STAG2: variants seen among roughly 807,000 people sequenced by gnomAD.
STAG2 encodes the protein cohesin subunit SA-2.
STAG2 carries 14 observed loss-of-function variants against 108.1 expected under a neutral mutation model. The ratio of observed to expected loss-of-function variants is 0.13; its 90% CI spans 0.09 to 0.20. The LOEUF is 0.20. STAG2 is among the 10% of genes least tolerant of loss of function. The pLI is 1.00. For missense variants in STAG2, 440 were observed against 940.9 expected (o/e 0.47, Z 6.96); for synonymous variants, 307 against 302.7 (o/e 1.01, Z -0.15).
At chrX:124,084,097 CT>C (rs1189256781) in intron 29 of STAG2, among the ~76,000 whole-genome samples, 1 of 111,981 alleles carries the variant, frequency 8.9e-6, no homozygotes, top group African/African-American at 3.2e-5. Flanking sequence ...GATTTAAATT[CT>C]CAAAAATCTT....
chrX:124,026,005 T>C (rs2057082889), intron 4 of STAG2, 87 bp downstream of exon 4: 1 of 722,271 alleles, frequency 1.4e-6, no homozygotes, highest in Admixed American at 3.1e-5. Flanking sequence ...GTTTTATCTT[T>C]TAAAAATGGC....
At chrX:123,996,753 T>G (rs2055755513) in intron 1 of STAG2, among the ~76,000 whole-genome samples, 1 of 112,234 alleles carries the variant, frequency 8.9e-6, no homozygotes, top group South Asian at 3.6e-4. Flanking sequence ...CTGAGTAGTA[T>G]TCCATTGTAT....
intron 7 of STAG2, 39 bp from the exon 8 acceptor site, chrX:124,045,125 C>A: frequency 9.1e-7 from 1 of 1,101,809 alleles, no homozygotes; most frequent in Non-Finnish European, 1.3e-6. Context: ...TTAAGTCATG[C>A]ATTCTAAATG....
intron 30 of STAG2, 51 bp from the exon 31 acceptor site, chrX:124,090,524 C>G (rs749246032): frequency 9.5e-7 from 1 of 1,053,236 alleles, no homozygotes; most frequent in Non-Finnish European, 1.3e-6. Context: ...TATTAGACAT[C>G]TGAATAGTCA....
chrX:124,032,306 A>G (rs930097495), intron 5 of STAG2, among the ~76,000 whole-genome samples: 1 of 111,886 alleles, frequency 8.9e-6, no homozygotes, highest in African/African-American at 3.2e-5. Context: ...AGGCATATTC[A>G]TGTCGAATCA....
intron 4 of STAG2, among the ~76,000 whole-genome samples, chrX:124,028,820 A>T (rs1486668670): frequency 5.7e-3 from 157 of 27,766 alleles, no homozygotes; most frequent in Middle Eastern, 0.022. Flanking sequence ...ATATATATAT[A>T]TATTTTTTTT....
chrX:124,039,368 T>C (rs972478997), intron 6 of STAG2, among the ~76,000 whole-genome samples: 1 of 109,503 alleles, frequency 9.1e-6, no homozygotes, highest in Non-Finnish European at 1.9e-5. Context: ...GGTTTTGCCA[T>C]GTTGCCCAGG....
At chrX:124,055,124 A>G (rs2148258359) in intron 13 of STAG2, among the ~76,000 whole-genome samples, 1 of 112,234 alleles carries the variant, frequency 8.9e-6, no homozygotes, top group East Asian at 2.8e-4. Context: ...ACAATCTGAT[A>G]TTATATAAAG....
intron 29 of STAG2, among the ~76,000 whole-genome samples, chrX:124,083,862 G>C (rs1463615938): frequency 8.9e-6 from 1 of 111,986 alleles, no homozygotes; most frequent in African/African-American, 3.2e-5. Flanking sequence ...CTGGGCTCCA[G>C]TGATTTTCCT....
chrX:124,060,088 T>TC (rs1248394096), intron 15 of STAG2, among the ~76,000 whole-genome samples: 1 of 111,538 alleles, frequency 9.0e-6, no homozygotes, highest in East Asian at 2.8e-4. Flanking sequence ...CACCCCCTCC[T>TC]CCCCCCGCCA....
At chrX:123,978,289 G>C (rs1475059633) in intron 1 of STAG2, among the ~76,000 whole-genome samples, 4 of 108,207 alleles carry the variant, frequency 3.7e-5, no homozygotes, top group African/African-American at 1.4e-4. Context: ...GTTTCCATTA[G>C]CTATTCTTCC....
chrX:124,017,211 A>G (rs1173931753), intron 1 of STAG2, among the ~76,000 whole-genome samples: 1 of 106,457 alleles, frequency 9.4e-6, no homozygotes, highest in East Asian at 2.9e-4. Flanking sequence ...TGAATTAAAT[A>G]CCTTTTTTTT....
At position 124,056,258 on chromosome X, in the gene STAG2, C is replaced by T. The variant is rs757954691; in HGVS notation, c.1304+23C>T. The T allele has an allele frequency of 1.5e-4, 157 of 1,081,670 alleles. No homozygotes were observed. In the South Asian group the frequency reaches 2.8e-3, roughly 19 times the overall value. 89.1% of individuals were successfully genotyped at this position (1,081,670 alleles called of 1,213,427 possible). A position where few individuals can be genotyped will look rare whatever the true frequency, so the allele number is the denominator to read the frequency against. The stretch of plus-strand genomic sequence containing the variant: ...AAAGTAAATCTATATATCTGTTACT[C>T]ATTTTCTAAGGCATACTTTCATAAC... On this transcript the variant is annotated intron_variant, in intron 14 of 34. Transcript: ENST00000371145.
intron 6 of STAG2, among the ~76,000 whole-genome samples, chrX:124,037,931 A>G (rs1437061616): frequency 2.7e-5 from 3 of 112,014 alleles, no homozygotes; most frequent in African/African-American, 9.7e-5. Flanking sequence ...TTAAGAAGGG[A>G]GGAGGAAGAT....
intron 25 of STAG2, among the ~76,000 whole-genome samples, chrX:124,075,974 G>T (rs938076066): frequency 9.0e-6 from 1 of 111,623 alleles, no homozygotes; most frequent in African/African-American, 3.3e-5. Context: ...GAGAAATTCT[G>T]AGGTTGGCAG....
At chrX:124,100,085 T>C (rs190862844) in intron 34 of STAG2, among the ~76,000 whole-genome samples, 74 of 112,049 alleles carry the variant, frequency 6.6e-4, no homozygotes, top group Non-Finnish European at 1.2e-3. Flanking sequence ...TCTTGCTTTC[T>C]ACATACTTGA....
chrX:123,992,662 C>A (rs1202254492), intron 1 of STAG2, among the ~76,000 whole-genome samples: 1 of 110,480 alleles, frequency 9.1e-6, no homozygotes, highest in African/African-American at 3.3e-5. Flanking sequence ...CATCAACCTC[C>A]CAAGTAGCTG....
chrX:123,981,045 T>G (rs554797530), intron 1 of STAG2, among the ~76,000 whole-genome samples: 1 of 111,521 alleles, frequency 9.0e-6, no homozygotes, highest in Non-Finnish European at 1.9e-5. Flanking sequence ...TTTTTCTGCT[T>G]CTTGAGAGAA....
In STAG2 at chrX:124,026,682, C is replaced by T. The variant is rs564535915; in HGVS notation, c.123+764C>T. The T allele has an allele frequency of 3.1e-4, 57 of 183,312 alleles. 1 individual carries two copies. In the South Asian group the frequency reaches 4.9e-3, roughly 16 times the overall value. 15.1% of individuals were successfully genotyped at this position (183,312 alleles called of 1,213,427 possible). A position where few individuals can be genotyped will look rare whatever the true frequency, so the allele number is the denominator to read the frequency against. On this transcript the variant is annotated intron_variant, in intron 4 of 34. Coordinates refer to ENST00000371145, the MANE Select transcript of STAG2 (RefSeq NM_001042750.2). The stretch of plus-strand genomic sequence containing the variant: ...TGAAATTTTTCCATAATCCTATCAC[C>T]TGGAGGTAATTTATTCTTTAAACAT...
Sources: allele counts gnomAD v4.1 joint callset (sites outside exome capture counted in the v4.1 genomes callset), GRCh38; gene constraint gnomAD v4.1.1; transcripts MANE v1.5; gene names NCBI Gene and HGNC (gene_info 2026-07-23, HGNC 2026-07-21).